CCDC148: variants seen among roughly 807,000 people sequenced by gnomAD.
CCDC148 encodes coiled-coil domain-containing protein 148.
Under a neutral mutation model 85.7 loss-of-function variants are expected in CCDC148, and 89 were observed. The observed-to-expected ratio is 1.04, with a 90% confidence interval of 0.87 to 1.24. The LOEUF (loss-of-function observed/expected upper bound fraction) is 1.24. Ranked by LOEUF, CCDC148 falls within the 50% of genes most tolerant of loss-of-function variation. CCDC148 has a pLI of 0.00. For synonymous variants in CCDC148, 230 were observed against 213.9 expected (o/e 1.08, Z -0.66); for missense variants, 692 against 671.7 (o/e 1.03, Z -0.33).
At position 158,217,936 on chromosome 2, in the gene CCDC148, C is replaced by T. The variant is rs1301767069; in HGVS notation, c.1370+2659G>A. 9.2e-5 allele frequency among the ~76,000 whole-genome samples: 14 copies of T among 152,152 alleles called. No homozygotes were observed. The East Asian group carries it at 2.1e-3, about 23-fold the overall frequency. ...CAGAAAAATGTTTTAACCAATCAAC[C>T]GAATTTCTTAGTGCTATGCAGTTAT... On this transcript the variant is annotated intron_variant, in intron 11 of 13. Coordinates refer to ENST00000283233, the MANE Select transcript of CCDC148 (RefSeq NM_138803.4).
At chr2:158,194,771 CA>C (rs1365713495) in intron 11 of CCDC148, among the ~76,000 whole-genome samples, 1 of 152,088 alleles carries the variant, frequency 6.6e-6, no homozygotes, top group Non-Finnish European at 1.5e-5. Context: ...CTGCCCTGTG[CA>C]GGTAATATAT....
At chr2:158,414,720 A>G (rs561445065) in intron 1 of CCDC148, among the ~76,000 whole-genome samples, 20 of 152,152 alleles carry the variant, frequency 1.3e-4, no homozygotes, top group Non-Finnish European at 2.5e-4. Context: ...TGAGGCATGA[A>G]TGAAGTATGT....
chr2:158,387,974 T>C (rs1381454574), intron 1 of CCDC148, among the ~76,000 whole-genome samples: 2 of 152,182 alleles, frequency 1.3e-5, no homozygotes, highest in Non-Finnish European at 2.9e-5. Flanking sequence ...CCAGTTCCAG[T>C]GTAGAGACCA....
At chr2:158,386,823 A>T (rs776326246) in intron 1 of CCDC148, among the ~76,000 whole-genome samples, 14 of 151,876 alleles carry the variant, frequency 9.2e-5, no homozygotes, top group Admixed American at 2.0e-4. Context: ...ACCTCCCCTC[A>T]TATGCACAGA....
intron 7 of CCDC148, among the ~76,000 whole-genome samples, chr2:158,318,689 A>T (rs1220677454): frequency 2.6e-5 from 4 of 151,112 alleles, no homozygotes; most frequent in Non-Finnish European, 5.9e-5. Context: ...CTCTTAAACC[A>T]CTCTTTGTCT....
At chr2:158,420,801 T>G (rs1347504131) in intron 1 of CCDC148, among the ~76,000 whole-genome samples, 2 of 151,596 alleles carry the variant, frequency 1.3e-5, no homozygotes, top group Admixed American at 6.6e-5. Flanking sequence ...GCAACTTGGA[T>G]AGAGTCAAGA....
At chr2:158,238,973 T>C (rs1451548139) in intron 10 of CCDC148, among the ~76,000 whole-genome samples, 1 of 152,152 alleles carries the variant, frequency 6.6e-6, no homozygotes, top group Non-Finnish European at 1.5e-5. Flanking sequence ...CACTTAATGT[T>C]CATGTGACTT....
chr2:158,227,204 C>G (rs1162463116), intron 10 of CCDC148, among the ~76,000 whole-genome samples: 1 of 151,824 alleles, frequency 6.6e-6, no homozygotes, highest in Non-Finnish European at 1.5e-5. Flanking sequence ...CTCCCATTCA[C>G]AATTGCTTCA....
At chr2:158,365,279 C>A (rs896828018) in intron 1 of CCDC148, among the ~76,000 whole-genome samples, 4 of 152,152 alleles carry the variant, frequency 2.6e-5, no homozygotes, top group Non-Finnish European at 5.9e-5. Context: ...CTAGAAATAT[C>A]ATTTTACCCA....
chr2:158,238,814 C>A (rs57634784), intron 10 of CCDC148, among the ~76,000 whole-genome samples: 2 of 152,068 alleles, frequency 1.3e-5, no homozygotes, highest in Admixed American at 1.3e-4. Context: ...GCCATTAAAG[C>A]GACCCGAAAG....
intron 11 of CCDC148, among the ~76,000 whole-genome samples, chr2:158,194,729 C>A (rs775441168): frequency 6.6e-6 from 1 of 152,090 alleles, no homozygotes; most frequent in East Asian, 1.9e-4. Flanking sequence ...TAGTGACCAG[C>A]CCCTTGGATA....
chr2:158,273,080 A>T (rs1689771451), intron 9 of CCDC148, among the ~76,000 whole-genome samples: 1 of 152,208 alleles, frequency 6.6e-6, no homozygotes, highest in Admixed American at 6.5e-5. Context: ...AGAAGTGAGT[A>T]ACTGGCTATG....
intron 2 of CCDC148, among the ~76,000 whole-genome samples, chr2:158,350,138 C>T (rs1035995401): frequency 6.6e-6 from 1 of 152,166 alleles, no homozygotes; most frequent in African/African-American, 2.4e-5. Context: ...TATGTAAATA[C>T]AGAGACCACA....
intron 1 of CCDC148, among the ~76,000 whole-genome samples, chr2:158,408,614 C>T (rs1221030667): frequency 1.3e-5 from 2 of 152,076 alleles, no homozygotes; most frequent in Non-Finnish European, 1.5e-5. Flanking sequence ...CATACACAGA[C>T]ACACATATAT....
intron 1 of CCDC148, among the ~76,000 whole-genome samples, chr2:158,420,546 T>C (rs1271762411): frequency 6.6e-6 from 1 of 152,138 alleles, no homozygotes; most frequent in African/African-American, 2.4e-5. Flanking sequence ...CTGAGAGATT[T>C]TGTCACCACC....
chr2:158,395,966 T>A lies in CCDC148; in HGVS notation c.26-37396A>T, dbSNP rs139900955. 4.6e-3 allele frequency among the ~76,000 whole-genome samples: 699 copies of A among 152,180 alleles called. 3 individuals are homozygous for A. The highest frequency in any genetic ancestry group is 0.016 in the African/African-American group (651 of 41,526). On this transcript the variant is annotated intron_variant, in intron 1 of 13. Transcript: ENST00000283233. The stretch of plus-strand genomic sequence containing the variant: ...TTATACAACATTTAATAAACTGGGA[T>A]TTCCCCAGAGTCTTCCGTAAAGCAA...
chr2:158,176,962 G>C (rs1684620935), intron 12 of CCDC148, among the ~76,000 whole-genome samples: 1 of 151,900 alleles, frequency 6.6e-6, no homozygotes, highest in African/African-American at 2.4e-5. Flanking sequence ...GAAGTCACAG[G>C]AAATCTCATA....
At chr2:158,293,831 C>T (rs1230911107) in intron 9 of CCDC148, among the ~76,000 whole-genome samples, 1 of 152,150 alleles carries the variant, frequency 6.6e-6, no homozygotes, top group Non-Finnish European at 1.5e-5. Context: ...TTTGGCTGGG[C>T]ATCAACTACC....
chr2:158,335,497 G>C (rs1013801465), intron 7 of CCDC148, among the ~76,000 whole-genome samples: 1 of 152,112 alleles, frequency 6.6e-6, no homozygotes, highest in Non-Finnish European at 1.5e-5. Flanking sequence ...TTGACTCACA[G>C]TTCCACATGG....
Sources: allele counts gnomAD v4.1 joint callset (sites outside exome capture counted in the v4.1 genomes callset), GRCh38; gene constraint gnomAD v4.1.1; transcripts MANE v1.5; gene names NCBI Gene and HGNC (gene_info 2026-07-23, HGNC 2026-07-21).